KLC1: variants seen among roughly 807,000 people sequenced by gnomAD.
KLC1 encodes the protein kinesin 2 60/70kDa.
A neutral mutation model predicts 84.2 loss-of-function variants in KLC1; 30 were observed. That is an observed-to-expected ratio of 0.36 (90% CI 0.27 to 0.48). The LOEUF (loss-of-function observed/expected upper bound fraction) is 0.48. Ranked by LOEUF, KLC1 falls within the 20% of genes least tolerant of loss-of-function variation. The pLI is 0.99. For missense variants in KLC1, 499 were observed against 805.4 expected, an observed-to-expected ratio of 0.62 and a Z score of 4.60; for synonymous variants, 289 against 293.3, an observed-to-expected ratio of 0.99 and a Z score of 0.15.
chr14:103,673,815 C>T lies in KLC1; in HGVS notation c.1261+384C>T, dbSNP rs529433509. Reference sequence around the variant, plus strand: ...GCGGCCGCCTGTAGTCCCAGCTACTCGGGAGGCTAAGGCAGGAGAATGGCG... The same window carrying T: ...GCGGCCGCCTGTAGTCCCAGCTACTTGGGAGGCTAAGGCAGGAGAATGGCG... On this transcript the variant is annotated intron_variant, in intron 9 of 16. Coordinates refer to ENST00000334553, the MANE Select transcript of KLC1 (RefSeq NM_001394837.1). Among the ~76,000 whole-genome samples, 12 of 151,832 alleles carry T rather than the reference C, an allele frequency of 7.9e-5. No individual in the cohort carries two copies. In the East Asian group the frequency reaches 1.2e-3, roughly 15 times the overall value.
intron 3 of KLC1, among the ~76,000 whole-genome samples, chr14:103,661,623 G>A (rs551196337): frequency 2.0e-5 from 3 of 152,250 alleles, no homozygotes; most frequent in South Asian, 2.1e-4. Context: ...TCAGCAAAAT[G>A]TAGGGAAACA....
intron 1 of KLC1, among the ~76,000 whole-genome samples, chr14:103,631,623 A>T (rs921899563): frequency 6.6e-6 from 1 of 152,002 alleles, no homozygotes; most frequent in Non-Finnish European, 1.5e-5. Flanking sequence ...TTTAGAGATG[A>T]GTCTCACTGT....
At chr14:103,683,621 C>CTG (rs1411045116) in intron 13 of KLC1, 2 of 146,792 alleles carry the variant, frequency 1.4e-5, no homozygotes, top group Admixed American at 6.7e-5. Context: ...GTCCCATCCT[C>CTG]TGTAAAGACA....
At chr14:103,650,811 C>T (rs1340988061) in intron 1 of KLC1, among the ~76,000 whole-genome samples, 1 of 151,730 alleles carries the variant, frequency 6.6e-6, no homozygotes, top group Non-Finnish European at 1.5e-5. Flanking sequence ...AACTCCTGAC[C>T]TAAGTGATCT....
At chr14:103,635,737 A>T (rs1386736732) in intron 1 of KLC1, among the ~76,000 whole-genome samples, 1 of 151,922 alleles carries the variant, frequency 6.6e-6, no homozygotes, top group Non-Finnish European at 1.5e-5. Context: ...TGGGCGACAG[A>T]GTGAGACTCC....
At chr14:103,677,226 C>T (rs2080978873) in intron 11 of KLC1, among the ~76,000 whole-genome samples, 189 bp from the exon 12 acceptor site, 1 of 152,196 alleles carries the variant, frequency 6.6e-6, no homozygotes, top group Non-Finnish European at 1.5e-5. Context: ...GGGCCAGGGT[C>T]ATGGGAGGTA....
chr14:103,651,284 A>G (rs1435621031), intron 1 of KLC1, among the ~76,000 whole-genome samples: 2 of 152,224 alleles, frequency 1.3e-5, no homozygotes, highest in Non-Finnish European at 2.9e-5. Context: ...CTAGGATTAC[A>G]GGCGTCGGCC....
In KLC1 at chr14:103,693,448, T is replaced by C; in HGVS notation, c.1848+1023T>C. 6.6e-7 allele frequency: 1 copy of C among 1,507,386 alleles called. No individual in the cohort carries two copies. The highest frequency in any genetic ancestry group is 1.3e-5 in the South Asian group (1 of 78,780). 93.4% of individuals were successfully genotyped at this position (1,507,386 alleles called of 1,614,324 possible). ...CCCCTGGGCCTCTCGAGTGCCAACCTAGATTTAGCTGTGCAGCTGGTACTG... is the reference window on the plus strand; with the variant it reads ...CCCCTGGGCCTCTCGAGTGCCAACCCAGATTTAGCTGTGCAGCTGGTACTG... On this transcript the variant is annotated intron_variant, in intron 15 of 16. Transcript: ENST00000334553. The surrounding 1 kb of genome is among the most constrained non-coding windows in gnomAD (Gnocchi z 5.1).
chr14:103,654,485 A>C, intron 1 of KLC1, 79 bp from the exon 2 acceptor site: 1 of 1,222,122 alleles, frequency 8.2e-7, no homozygotes, highest in Non-Finnish European at 1.1e-6. Context: ...GTTAATTAAA[A>C]AATTTTCATA....
chr14:103,689,238 C>G (rs995757600), intron 14 of KLC1, among the ~76,000 whole-genome samples: 1 of 152,166 alleles, frequency 6.6e-6, no homozygotes, highest in Non-Finnish European at 1.5e-5. Flanking sequence ...GAGTCCAGTT[C>G]TGGTGCTGAG....
intron 16 of KLC1, among the ~76,000 whole-genome samples, 194 bp from the exon 17 acceptor site, chr14:103,701,007 C>T (rs1055259596): frequency 2.0e-5 from 3 of 152,224 alleles, no homozygotes; most frequent in African/African-American, 4.8e-5. Flanking sequence ...GCCTTTGGTG[C>T]TCCAGGGAGC....
At chr14:103,687,328 G>A (rs537279965) in intron 14 of KLC1, 117 bp downstream of exon 14, 118 of 1,061,652 alleles carry the variant, frequency 1.1e-4, no homozygotes, top group African/African-American at 5.9e-4. Context: ...GTTGGTTCCC[G>A]TATTCTCACA....
chr14:103,701,032 C>T (rs1455503904), intron 16 of KLC1, among the ~76,000 whole-genome samples, 169 bp from the exon 17 acceptor site: 1 of 152,246 alleles, frequency 6.6e-6, no homozygotes, highest in Non-Finnish European at 1.5e-5. Context: ...ACCAAAGACG[C>T]ACCAGTCCCC....
intron 3 of KLC1, among the ~76,000 whole-genome samples, chr14:103,660,517 G>A (rs926068841): frequency 6.7e-6 from 1 of 148,684 alleles, no homozygotes; most frequent in Non-Finnish European, 1.5e-5. Context: ...AGGCCGATGC[G>A]GTGGCTCATG....
chr14:103,672,500 C>T (rs549612743), intron 7 of KLC1, among the ~76,000 whole-genome samples: 1 of 152,192 alleles, frequency 6.6e-6, no homozygotes, highest in Non-Finnish European at 1.5e-5. Context: ...AGGTGATGTG[C>T]CTGTGAGTTC....
At position 103,687,238 on chromosome 14, in the gene KLC1, C is replaced by G. The variant is rs1360180633; in HGVS notation, c.1781+27C>G. On this transcript the variant is annotated intron_variant, in intron 14 of 16. Coordinates refer to ENST00000334553, the MANE Select transcript of KLC1 (RefSeq NM_001394837.1). ...TAACTATCTCTTCCAGCTCTCCCGACTCCCTGCACGCCGGCTGCTGGGCCG... is the reference window on the plus strand; with the variant it reads ...TAACTATCTCTTCCAGCTCTCCCGAGTCCCTGCACGCCGGCTGCTGGGCCG... 2.0e-6 allele frequency: 3 copies of G among 1,517,734 alleles called. No homozygotes were observed. In the African/African-American group the frequency reaches 4.1e-5, roughly 21 times the overall value. The allele number at this position is 1,517,734 out of a possible 1,614,324, so 94.0% of individuals were successfully genotyped here. A position where few individuals can be genotyped will look rare whatever the true frequency, so the allele number is the denominator to read the frequency against.
At chr14:103,678,980 T>C (rs569643150) in intron 12 of KLC1, among the ~76,000 whole-genome samples, 2 of 152,144 alleles carry the variant, frequency 1.3e-5, no homozygotes, top group South Asian at 2.1e-4. Flanking sequence ...AAATGGAAAA[T>C]AGGCATTGGT....
chr14:103,663,613 C>T (rs886848861), intron 5 of KLC1, among the ~76,000 whole-genome samples: 1 of 152,196 alleles, frequency 6.6e-6, no homozygotes, highest in Non-Finnish European at 1.5e-5. Context: ...CGCTGTGCCT[C>T]CTTTTGGAAT....
chr14:103,661,819 C>T (rs909128457), intron 3 of KLC1, among the ~76,000 whole-genome samples: 21 of 152,138 alleles, frequency 1.4e-4, no homozygotes, highest in African/African-American at 5.1e-4. Context: ...GTTTTCCCTG[C>T]TCTCCTAGAC....
Sources: gnomAD v4.1 joint callset for allele counts (sites outside exome capture counted in the v4.1 genomes callset) on GRCh38, gnomAD v4.1.1 for gene constraint, Gnocchi (gnomAD v3.1) non-coding constraint, MANE v1.5 for transcripts, NCBI Gene and HGNC (gene_info 2026-07-23, HGNC 2026-07-21) for gene names.